The following ZNF443 variants were observed in gnomAD, a reference collection of about 807,000 sequenced individuals.
The protein encoded by ZNF443 is zinc finger protein 443, also known as Kruppel-type zinc finger (C2H2).
A neutral mutation model predicts 12.0 loss-of-function variants in ZNF443; 3 were observed. That is an observed-to-expected ratio of 0.25 (90% CI 0.11 to 0.64). ZNF443 has a LOEUF of 0.64. Among genes scored for constraint, ZNF443 ranks in the 30% least tolerant of loss-of-function variants. The pLI, the probability that ZNF443 is intolerant of heterozygous loss-of-function variation, is 0.84. For synonymous variants in ZNF443, 225 were observed against 265.9 expected (o/e 0.85, Z 1.50); for missense variants, 770 against 808.8 (o/e 0.95, Z 0.58).
At position 12,430,065 on chromosome 19, in the gene ZNF443, A is replaced by G. The variant is rs1401627443; in HGVS notation, c.*91T>C. ...GGCTTTACCAAGTGCTTACATTCAC[A>G]GGGTCTATCTCCAATGTGTTTCGTA... On this transcript the variant is annotated 3_prime_UTR_variant, in exon 4 of 4. Transcript: ENST00000301547. 2 of 1,589,714 alleles carry G rather than the reference A, an allele frequency of 1.3e-6. No individual in the cohort carries two copies. The highest frequency in any genetic ancestry group is 8.6e-7 in the Non-Finnish European group (1 of 1,167,478).
At chr19:12,435,902 G>A (rs1466101348) in intron 1 of ZNF443, among the ~76,000 whole-genome samples, 1 of 151,762 alleles carries the variant, frequency 6.6e-6, no homozygotes, top group Admixed American at 6.6e-5. Context: ...AAAACAGTGA[G>A]GAAAGAAGAA....
At chr19:12,433,931 G>A (rs1599621431) in intron 1 of ZNF443, among the ~76,000 whole-genome samples, 1 of 152,034 alleles carries the variant, frequency 6.6e-6, no homozygotes, top group Admixed American at 6.6e-5. Flanking sequence ...ATCCATAATG[G>A]GTGAATGAAT....
In ZNF443 at chr19:12,431,013, G is replaced by A. The variant is rs772120850; in HGVS notation, c.1159C>T (p.His387Tyr). Residue 387 changes from histidine to tyrosine, a missense_variant, in exon 4 of 4, where the codon CAC (histidine) becomes TAC (tyrosine). Coordinates refer to ENST00000301547, the MANE Select transcript of ZNF443 (RefSeq NM_005815.5). ...CATTCATAGGGTTTCTCTCCAGTGT[G>A]AGTTCTTTCATGACTTTGCAGTGAA... ...PSSLQSHERT[H>Y]TGEKPYECKQ... The A allele has an allele frequency of 2.5e-6, 4 of 1,613,954 alleles. No homozygotes were observed. The highest frequency in any genetic ancestry group is 2.5e-6 in the Non-Finnish European group (3 of 1,179,892).
chr19:12,430,858 T>C lies in ZNF443; in HGVS notation c.1314A>G (p.Arg438=), dbSNP rs767300982. 1.1e-5 allele frequency: 17 copies of C among 1,614,166 alleles called. No homozygotes were observed. The highest frequency in any genetic ancestry group is 2.2e-5 in the East Asian group (1 of 44,876). ...TCTCTGCAGTGTGAGTCCTTTCATG[T>C]CTTTGAAATACACTGGGATAAACAA... ...KAFVYPSVFQ[R]HERTHTAEKP... is the part of the protein sequence containing the mutation. Residue 438 remains arginine, a synonymous_variant, in exon 4 of 4, where the codon AGA becomes AGG. Transcript: ENST00000301547.
Position 12,430,746 on chromosome 19 carries a change from G to T in ZNF443, c.1426C>A (p.Pro476Thr), listed in dbSNP as rs1257146320. The T allele has an allele frequency of 6.2e-7, 1 of 1,612,942 alleles. No homozygotes were observed. The highest frequency in any genetic ancestry group is 8.5e-7 in the Non-Finnish European group (1 of 1,179,218). ...RHETTHTGEK[P>T]YKCKLGKACI... is the part of the protein sequence containing the mutation. ...GCTTTCCCAAGTTTGCATTTATAGGGTTTCTCTCCAGTATGAGTTGTTTCA... is the reference window on the plus strand; with the variant it reads ...GCTTTCCCAAGTTTGCATTTATAGGTTTTCTCTCCAGTATGAGTTGTTTCA... The change falls in exon 4 of 4, where the codon CCC becomes ACC. Residue 476 changes from proline (P) to threonine (T), a missense_variant. Physicochemically the swap from Pro to Thr is conservative, Grantham distance 38. Coordinates refer to ENST00000301547, the MANE Select transcript of ZNF443 (RefSeq NM_005815.5).
intron 1 of ZNF443, 148 bp from the exon 2 acceptor site, chr19:12,433,345 T>G (rs1970277837): frequency 2.1e-6 from 3 of 1,454,034 alleles, no homozygotes; most frequent in Admixed American, 2.8e-5. Context: ...CTGTCTACAC[T>G]CACTTTCTCC....
intron 1 of ZNF443, among the ~76,000 whole-genome samples, chr19:12,437,416 A>AAAAAG (rs367738853): frequency 3.4e-4 from 50 of 146,738 alleles, no homozygotes; most frequent in Middle Eastern, 3.5e-3. Context: ...TCAAAAAAAA[A>AAAAAG]AAAGAAACAA....
In ZNF443 at chr19:12,431,093, G is replaced by A. The variant is rs1970247725; in HGVS notation, c.1079C>T (p.Thr360Ile). ...GSFQRHMIRHTGNGPHKCKIC... is the reference protein window; with the variant it reads ...GSFQRHMIRHIGNGPHKCKIC... ...CTTACATTTATGAGGTCCATTTCCA[G>A]TGTGCCTTATCATGTGTCTTTGAAA... Residue 360 changes from threonine to isoleucine, a missense_variant, in exon 4 of 4, where the codon ACT becomes ATT. This residue lies in a region of ZNF443 where 736 missense variants were observed against 689.4 expected (regional missense o/e 1.07). Coordinates refer to ENST00000301547, the MANE Select transcript of ZNF443 (RefSeq NM_005815.5). 6.2e-7 allele frequency: 1 copy of A among 1,613,946 alleles called. No homozygotes were observed. The highest frequency in any genetic ancestry group is 8.5e-7 in the Non-Finnish European group (1 of 1,179,990).
chr19:12,431,831 C>T lies in ZNF443; in HGVS notation c.341G>A (p.Gly114Asp), dbSNP rs202114173. 1 of 1,614,094 alleles carries T rather than the reference C, an allele frequency of 6.2e-7. No homozygotes were observed. The highest frequency in any genetic ancestry group is 2.2e-5 in the East Asian group (1 of 44,878). ...GATGTAACAATTAAGGGATGAATGA[C>T]CCATGACTTTTTCTCCTCTCATACT... ...ESSMRGEKVM[G>D]HSSLNCYIRV... The change falls in exon 4 of 4, where the codon GGT becomes GAT. Residue 114 changes from glycine (G) to aspartate (D), a missense_variant. Around this residue, in one of 3 missense-constraint regions of ZNF443, gnomAD observed 736 missense variants for 689.4 expected, o/e 1.07. Transcript: ENST00000301547.
At position 12,431,368 on chromosome 19, in the gene ZNF443, A is replaced by T. The variant is rs749970711; in HGVS notation, c.804T>A (p.Tyr268Ter). The T allele has an allele frequency of 1.2e-6, 2 of 1,614,028 alleles. No individual in the cohort carries two copies. Among genetic ancestry groups the T allele is most frequent in the South Asian group, 2.2e-5 (2 of 91,070 alleles). ...CSKAFPFYSS[Y>*]LRHERTHTGE... Reference sequence around the variant, plus strand: ...CAGTATGTGTTCTTTCATGTCTTAGATAGGAACTGTAAAAAGGAAAGGCTT... The same window carrying T: ...CAGTATGTGTTCTTTCATGTCTTAGTTAGGAACTGTAAAAAGGAAAGGCTT... Residue 268 changes from tyrosine (Y) to a stop codon, truncating the protein, a stop_gained, in exon 4 of 4, where the codon TAT becomes TAA. Transcript: ENST00000301547. LOFTEE classifies it low-confidence loss of function (END_TRUNC).
intron 1 of ZNF443, among the ~76,000 whole-genome samples, chr19:12,438,919 T>C (rs1344646884): frequency 6.6e-6 from 1 of 152,222 alleles, no homozygotes; most frequent in East Asian, 1.9e-4. Flanking sequence ...ATTTCACGGT[T>C]AATCAAAAAT....
rs1970249069 is a variant in ZNF443, at chr19:12,431,183, G to A, written c.989C>T (p.Thr330Ile). ...TGCATAGGGTTTCTCTGCACTGTGA[G>A]TGGTTTCATGTCTTTGAAGGGAACC... ...VSGSLQRHET[T>I]HSAEKPYACQ... Residue 330 changes from threonine to isoleucine, a missense_variant, in exon 4 of 4, where the codon ACT becomes ATT. Physicochemically the swap from Thr to Ile is moderately conservative, Grantham distance 89. Transcript: ENST00000301547. 1.2e-6 allele frequency: 2 copies of A among 1,613,848 alleles called. No homozygotes were observed. The highest frequency in any genetic ancestry group is 1.3e-5 in the African/African-American group (1 of 74,940).
intron 3 of ZNF443, 191 bp from the exon 4 acceptor site, chr19:12,432,171 T>C: frequency 4.7e-6 from 3 of 638,192 alleles, no homozygotes; most frequent in Non-Finnish European, 7.8e-6. Context: ...CACATTCATA[T>C]GTGGATTCAT....
intron 1 of ZNF443, among the ~76,000 whole-genome samples, chr19:12,435,112 A>C (rs1393567984): frequency 6.6e-6 from 1 of 151,978 alleles, no homozygotes; most frequent in African/African-American, 2.4e-5. Flanking sequence ...CAAGTAGCTG[A>C]GAGTACAGGA....
In ZNF443 at chr19:12,430,779, G is replaced by A. The variant is rs146038087; in HGVS notation, c.1393C>T (p.Arg465Ter). 43 of 1,614,002 alleles carry A rather than the reference G, an allele frequency of 2.7e-5. No individual in the cohort carries two copies. In the African/African-American group the frequency reaches 3.3e-4, roughly 13 times the overall value. ...CCAGTATGAGTTGTTTCATGCCTTC[G>A]AAGGGAACTGGAAATACGGTAGGCT... Reference protein sequence around the residue: ...GKAYRISSSLRRHETTHTGEK... With the variant: ...GKAYRISSSL Residue 465 changes from arginine to a stop codon, truncating the protein, a stop_gained, in exon 4 of 4, where the codon CGA (arginine) becomes TGA (stop). Transcript: ENST00000301547. LOFTEE classifies it low-confidence loss of function (END_TRUNC).
Position 12,431,228 on chromosome 19 carries a change from C to A in ZNF443, c.944G>T (p.Gly315Val), listed in dbSNP as rs747910186. 6.2e-7 allele frequency: 1 copy of A among 1,614,012 alleles called. No homozygotes were observed. The highest frequency in any genetic ancestry group is 2.2e-5 in the East Asian group (1 of 44,882). Residue 315 changes from glycine (G) to valine (V), a missense_variant, in exon 4 of 4, where the codon GGG becomes GTG. Gly to Val is a moderately radical substitution (Grantham distance 109). Coordinates refer to ENST00000301547, the MANE Select transcript of ZNF443 (RefSeq NM_005815.5). ...GEKPYTCKQC[G>V]KAFSVSGSLQ... ...GGAACCGGAAACACTGAAGGCTTTC[C>A]CACATTGTTTACATGTATAGGGTTT...
At chr19:12,437,416 AAAAGAAAC>A (rs1487762673) in intron 1 of ZNF443, among the ~76,000 whole-genome samples, 299 of 146,748 alleles carry the variant, frequency 2.0e-3, no homozygotes, top group African/African-American at 7.0e-3. Context: ...TCAAAAAAAA[AAAAGAAAC>A]AAAGAAACAA....
intron 1 of ZNF443, among the ~76,000 whole-genome samples, chr19:12,440,420 C>T (rs111417007): frequency 3.3e-4 from 51 of 152,314 alleles, no homozygotes; most frequent in Admixed American, 2.4e-3. Flanking sequence ...AGGGAGCCCT[C>T]TCAGCAGAAT....
rs950208735 is a variant in ZNF443, at chr19:12,441,009, G to C, written c.-95C>G. Reference sequence around the variant, plus strand: ...AAGGCTGCCTCAGAACTTCCAGGTCGTCTCTCAGCTACAGAACCCAGAGCC... The same window carrying C: ...AAGGCTGCCTCAGAACTTCCAGGTCCTCTCTCAGCTACAGAACCCAGAGCC... On this transcript the variant is annotated 5_prime_UTR_variant, in exon 1 of 4. Transcript: ENST00000301547. The C allele has an allele frequency of 1.9e-6, 3 of 1,606,652 alleles. No homozygotes were observed. The highest frequency in any genetic ancestry group is 1.7e-4 in the Middle Eastern group (1 of 6,038).
Sources: allele counts gnomAD v4.1 joint callset (sites outside exome capture counted in the v4.1 genomes callset), GRCh38; gene constraint gnomAD v4.1.1; regional missense constraint gnomAD v4.1.1; transcripts MANE v1.5; gene names NCBI Gene and HGNC (gene_info 2026-07-23, HGNC 2026-07-21).